The following TNKS variants were observed in gnomAD, a reference collection of about 807,000 sequenced individuals.
TNKS encodes the protein poly [ADP-ribose] polymerase tankyrase-1.
TNKS carries 72 observed loss-of-function variants against 135.8 expected under a neutral mutation model. That is an observed-to-expected ratio of 0.53 (90% CI 0.44 to 0.64). The LOEUF is 0.64. Ranked by LOEUF, TNKS falls within the 30% of genes least tolerant of loss-of-function variation. The pLI is 0.00. For missense variants in TNKS, 1,769 were observed against 1,674.0 expected (o/e 1.06, Z -0.99); for synonymous variants, 849 against 649.3 (o/e 1.31, Z -4.68).
intron 2 of TNKS, among the ~76,000 whole-genome samples, chr8:9,598,044 A>G (rs1798860954): frequency 6.6e-6 from 1 of 152,188 alleles, no homozygotes; most frequent in East Asian, 1.9e-4. Context: ...GATTGAAAGT[A>G]CAGCAGAATG....
chr8:9,717,918 GA>G (rs1219620675), intron 11 of TNKS, among the ~76,000 whole-genome samples: 7 of 152,020 alleles, frequency 4.6e-5, no homozygotes, highest in African/African-American at 1.7e-4. Context: ...GAATGTTCAG[GA>G]ATCAAATATA....
At chr8:9,714,920 C>T (rs1337016777) in intron 11 of TNKS, among the ~76,000 whole-genome samples, 1 of 152,178 alleles carries the variant, frequency 6.6e-6, no homozygotes, top group Non-Finnish European at 1.5e-5. Flanking sequence ...GAAAGATCTA[C>T]TGAGAATTCA....
intron 3 of TNKS, among the ~76,000 whole-genome samples, chr8:9,655,022 C>A (rs1257127133): frequency 6.6e-6 from 1 of 152,180 alleles, no homozygotes; most frequent in Non-Finnish European, 1.5e-5. Context: ...ACAGACGGCA[C>A]CTGGAAAATC....
intron 14 of TNKS, among the ~76,000 whole-genome samples, chr8:9,732,159 C>T (rs116963991): frequency 0.011 from 1,651 of 152,288 alleles, 14 homozygotes; most frequent in Non-Finnish European, 0.015. Context: ...AATGTACAGT[C>T]TCTTCTAAAA....
At chr8:9,720,305 A>G (rs963416802) in intron 11 of TNKS, 69 bp from the exon 12 acceptor site, 9 of 1,345,692 alleles carry the variant, frequency 6.7e-6, no homozygotes, top group Admixed American at 2.7e-5. Context: ...ATAAGAATGT[A>G]TTTTCTAAGG....
rs527925177 is a variant in TNKS at position 9,577,479 on chromosome 8, A to G, written c.674-2680A>G. ...AGCATGGCTGGGGAGGCCCCAGGAA[A>G]TTCACAGTCGTGACGGGAGGTGAAG... On this transcript the variant is annotated intron_variant, in intron 1 of 26. Transcript: ENST00000310430. Among the ~76,000 whole-genome samples the G allele has an allele frequency of 5.3e-5, 8 of 152,298 alleles. No individual in the cohort carries two copies. In the South Asian group the frequency reaches 1.7e-3, roughly 32 times the overall value.
At position 9,602,432 on chromosome 8, in the gene TNKS, G is replaced by C. The variant is rs566725419; in HGVS notation, c.899-13150G>C. Among the ~76,000 whole-genome samples the C allele has an allele frequency of 3.3e-5, 5 of 152,310 alleles. No homozygotes were observed. The South Asian group carries it at 1.0e-3, about 32-fold the overall frequency. Reference sequence around the variant, plus strand: ...AGAAAGCCCACGCCTCCTCACAAATGGGAAGTGATGAGATACTGCCTCATG... The same window carrying C: ...AGAAAGCCCACGCCTCCTCACAAATCGGAAGTGATGAGATACTGCCTCATG... On this transcript the variant is annotated intron_variant, in intron 2 of 26. Coordinates refer to ENST00000310430, the MANE Select transcript of TNKS (RefSeq NM_003747.3).
chr8:9,750,956 A>G (rs1806492922), intron 18 of TNKS, among the ~76,000 whole-genome samples: 2 of 152,220 alleles, frequency 1.3e-5, no homozygotes, highest in Non-Finnish European at 2.9e-5. Flanking sequence ...TAAGAGAGTA[A>G]AAGTAGACAC....
intron 7 of TNKS, 106 bp downstream of exon 7, chr8:9,706,359 G>C (rs1002404905): frequency 7.8e-6 from 7 of 897,192 alleles, no homozygotes; most frequent in Non-Finnish European, 8.1e-6. Flanking sequence ...TTAGTTCTTT[G>C]GGGTTTTTTG....
chr8:9,710,460 T>C lies in TNKS; in HGVS notation c.1749+240T>C, dbSNP rs540827839. ...TCTGTAAAGCAACAAAATATAGCTA[T>C]AGTCATTTGAAATAGATTTCATCTT... On this transcript the variant is annotated intron_variant, in intron 11 of 26. Coordinates refer to ENST00000310430, the MANE Select transcript of TNKS (RefSeq NM_003747.3). The C allele has an allele frequency of 2.1e-5, 12 of 576,412 alleles. No homozygotes were observed. The South Asian group carries it at 2.9e-4, about 14-fold the overall frequency. The allele number at this position is 576,412 out of a possible 1,614,324, so 35.7% of individuals were successfully genotyped here.
intron 3 of TNKS, among the ~76,000 whole-genome samples, chr8:9,636,648 C>A (rs537108358): frequency 3.3e-5 from 5 of 152,204 alleles, no homozygotes; most frequent in African/African-American, 9.6e-5. Context: ...GGCATTACAT[C>A]CAGTGAGGTT....
At chr8:9,661,849 T>C (rs75417225) in intron 3 of TNKS, among the ~76,000 whole-genome samples, 17,067 of 152,202 alleles carry the variant, frequency 0.11, 1,195 homozygotes, top group Admixed American at 0.22. Context: ...GACAAAGGGC[T>C]AATATCCAGA....
chr8:9,587,054 A>G (rs555931556), intron 2 of TNKS, among the ~76,000 whole-genome samples: 2 of 152,332 alleles, frequency 1.3e-5, no homozygotes, highest in South Asian at 2.1e-4. Flanking sequence ...TTCATATCTT[A>G]ATTCCTGGAA....
intron 3 of TNKS, among the ~76,000 whole-genome samples, chr8:9,653,127 A>G (rs1201613360): frequency 6.6e-6 from 1 of 152,180 alleles, no homozygotes; most frequent in East Asian, 1.9e-4. Flanking sequence ...AAGATTAAAG[A>G]CTGCTATAGT....
rs368667275 is a variant in TNKS at position 9,665,516 on chromosome 8, G to C, written c.995-14435G>C. The stretch of plus-strand genomic sequence containing the variant: ...CTTTGGTCCCTTGTCCAGGACTTCA[G>C]AGTCACTAGAAATGGTCTGTATTTC... On this transcript the variant is annotated intron_variant, in intron 3 of 26. Transcript: ENST00000310430. Among the ~76,000 whole-genome samples, 14 of 152,336 alleles carry C rather than the reference G, an allele frequency of 9.2e-5. 1 individual carries two copies. Among genetic ancestry groups the C allele is most frequent in the African/African-American group, 1.9e-4 (8 of 41,580 alleles).
intron 3 of TNKS, among the ~76,000 whole-genome samples, chr8:9,647,090 A>T (rs1800946565): frequency 6.6e-6 from 1 of 152,216 alleles, no homozygotes; most frequent in South Asian, 2.1e-4. Flanking sequence ...GCTATCTATT[A>T]CTGTCTCCAG....
chr8:9,651,531 A>T (rs1257290028), intron 3 of TNKS, among the ~76,000 whole-genome samples: 1 of 152,166 alleles, frequency 6.6e-6, no homozygotes, highest in Non-Finnish European at 1.5e-5. Context: ...TAGGGTCTAG[A>T]CTTGTACTAA....
At chr8:9,723,154 G>GTT (rs10688007) in intron 12 of TNKS, among the ~76,000 whole-genome samples, 100,277 of 144,154 alleles carry the variant, frequency 0.7, 35,248 homozygotes, top group Admixed American at 0.79. Context: ...CCTCCAAAAG[G>GTT]TTTTTTTTTT....
At chr8:9,655,556 C>T (rs576211753) in intron 3 of TNKS, among the ~76,000 whole-genome samples, 1 of 152,256 alleles carries the variant, frequency 6.6e-6, no homozygotes, top group Non-Finnish European at 1.5e-5. Context: ...TCCAGAAGAA[C>T]GATTAGACAG....
Sources: allele counts gnomAD v4.1 joint callset (sites outside exome capture counted in the v4.1 genomes callset), GRCh38; gene constraint gnomAD v4.1.1; transcripts MANE v1.5; gene names NCBI Gene and HGNC (gene_info 2026-07-23, HGNC 2026-07-21).